The following MORN2 variants were observed in gnomAD, a reference collection of about 807,000 sequenced individuals.
The protein encoded by MORN2 is MORN repeat-containing protein 2.
A neutral mutation model predicts 13.4 loss-of-function variants in MORN2; 15 were observed. The observed-to-expected ratio is 1.12, with a 90% CI of 0.75 to 1.72. MORN2 has a LOEUF of 1.72. Among genes scored for constraint, MORN2 ranks in the 40% most tolerant of loss-of-function variants. The pLI is 0.00. For synonymous variants in MORN2, 46 were observed against 43.6 expected (o/e 1.06, Z -0.22); for missense variants, 168 against 134.6 (o/e 1.25, Z -1.23).
At chr2:38,877,218 A>G (rs1046634433) in intron 1 of MORN2, among the ~76,000 whole-genome samples, 6 of 152,168 alleles carry the variant, frequency 3.9e-5, no homozygotes, top group African/African-American at 1.4e-4. Context: ...GTGAGACGAG[A>G]TCAAGCCACT....
chr2:38,876,218 T>C (rs1665612999), intron 1 of MORN2, 108 bp downstream of exon 1: 1 of 397,900 alleles, frequency 2.5e-6, no homozygotes, highest in East Asian at 3.6e-5. Flanking sequence ...GGGGGTGTGA[T>C]ATATTTCCTG....
chr2:38,880,073 C>G, intron 1 of MORN2, 106 bp from the exon 2 acceptor site: 1 of 382,394 alleles, frequency 2.6e-6, no homozygotes, highest in Non-Finnish European at 4.6e-6. Flanking sequence ...GCGGGAGGAT[C>G]GCTTGAGCCC....
chr2:38,879,759 T>A (rs534551089), intron 1 of MORN2, among the ~76,000 whole-genome samples: 5 of 152,166 alleles, frequency 3.3e-5, no homozygotes, highest in African/African-American at 1.2e-4. Context: ...CTGAATATAC[T>A]AAAAAAATCA....
rs1377289030 is a variant in MORN2 at position 38,881,501 on chromosome 2, G to A, written c.276G>A (p.Lys92=). ...GAGCAGTATATGAAGGACAATTTAA[G>A]GATAATATGTTTCATGGACTGGGGA... The change falls in exon 4 of 5, where the codon AAG becomes AAA. Residue 92 remains lysine (K), a synonymous_variant. Coordinates refer to ENST00000644631, the MANE Select transcript of MORN2 (RefSeq NM_001145450.3). 6.5e-7 allele frequency: 1 copy of A among 1,545,090 alleles called. No individual in the cohort carries two copies. Among genetic ancestry groups the A allele is most frequent in the South Asian group, 1.2e-5 (1 of 82,210 alleles).
chr2:38,882,327 T>C (rs906474858), intron 4 of MORN2, 86 bp from the exon 5 acceptor site: 65 of 522,316 alleles, frequency 1.2e-4, no homozygotes, highest in Non-Finnish European at 1.8e-4. Flanking sequence ...TCTTCAGACA[T>C]AGTATATATT....
chr2:38,876,595 G>C (rs1442643103), intron 1 of MORN2, among the ~76,000 whole-genome samples: 1 of 152,178 alleles, frequency 6.6e-6, no homozygotes, highest in Non-Finnish European at 1.5e-5. Context: ...TCTGCCATCC[G>C]TGTCCTGGAG....
intron 1 of MORN2, among the ~76,000 whole-genome samples, chr2:38,878,567 G>T (rs1665705576): frequency 6.6e-6 from 1 of 150,880 alleles, no homozygotes; most frequent in Non-Finnish European, 1.5e-5. Flanking sequence ...CTCACACTTT[G>T]TGCTACTTTC....
chr2:38,880,830 G>A, intron 3 of MORN2, 124 bp downstream of exon 3: 1 of 1,041,830 alleles, frequency 9.6e-7, no homozygotes, highest in Non-Finnish European at 1.3e-6. Context: ...AATAACAAAT[G>A]ATCATATTAA....
At chr2:38,879,713 A>G (rs1379988215) in intron 1 of MORN2, among the ~76,000 whole-genome samples, 1 of 152,202 alleles carries the variant, frequency 6.6e-6, no homozygotes, top group Non-Finnish European at 1.5e-5. Flanking sequence ...TGATTAAAAT[A>G]TTCTAAAATT....
rs1049083762 is a variant in MORN2 at position 38,877,234 on chromosome 2, C to A, written c.58+1124C>A. On this transcript the variant is annotated intron_variant, in intron 1 of 4. Transcript: ENST00000644631. ...TGAGACGAGATCAAGCCACTGCACT[C>A]CAGCCTGGGCGACAGAGCGAGACTC... is the stretch of plus-strand genomic sequence containing the variant. 6.6e-5 allele frequency among the ~76,000 whole-genome samples: 10 copies of A among 152,128 alleles called. No homozygotes were observed. The East Asian group carries it at 1.9e-3, about 29-fold the overall frequency.
rs139712114 is a variant in MORN2, at chr2:38,876,596, T to A, written c.58+486T>A. ...AGAGATTTGACTAATCTGCCATCCG[T>A]GTCCTGGAGGAACTGGGTGGGATAG... On this transcript the variant is annotated intron_variant, in intron 1 of 4. Transcript: ENST00000644631. Among the ~76,000 whole-genome samples the A allele has an allele frequency of 7.2e-3, 1,091 of 152,310 alleles. 16 individuals carry two copies. Among genetic ancestry groups the A allele is most frequent in the African/African-American group, 0.024 (1,015 of 41,562 alleles).
chr2:38,878,636 T>G (rs1665707009), intron 1 of MORN2, among the ~76,000 whole-genome samples: 1 of 152,240 alleles, frequency 6.6e-6, no homozygotes, highest in African/African-American at 2.4e-5. Context: ...TTGTATCTAT[T>G]CTGCTTTTCA....
intron 4 of MORN2, 83 bp downstream of exon 4, chr2:38,881,661 T>C: frequency 1.8e-6 from 2 of 1,120,660 alleles, no homozygotes; most frequent in East Asian, 5.8e-5. Flanking sequence ...TTTATTTATT[T>C]ATTTATTGAG....
At chr2:38,876,200 A>C (rs1665611322) in intron 1 of MORN2, 90 bp downstream of exon 1, 1 of 398,152 alleles carries the variant, frequency 2.5e-6, no homozygotes. Context: ...GCTCCCGGTA[A>C]CTCCTGTGGG....
At chr2:38,877,138 C>T (rs1021620426) in intron 1 of MORN2, among the ~76,000 whole-genome samples, 15 of 152,046 alleles carry the variant, frequency 9.9e-5, no homozygotes, top group African/African-American at 3.6e-4. Flanking sequence ...GTAGCTCTGA[C>T]GCCTGTAGTT....
At chr2:38,881,630 G>T in intron 4 of MORN2, 52 bp downstream of exon 4, 1 of 1,330,210 alleles carries the variant, frequency 7.5e-7, no homozygotes, top group South Asian at 1.5e-5. Context: ...TTATTTTCTG[G>T]TATGTTTGCT....
Position 38,882,574 on chromosome 2 carries a change from C to A in MORN2, c.*59C>A. On this transcript the variant is annotated 3_prime_UTR_variant, in exon 5 of 5. Transcript: ENST00000644631. ...TTGAAGCTTTTAGTTGTAAGGAAAGCAACTTAATCTGTTATTTGAAATGAC... is the reference window on the plus strand; with the variant it reads ...TTGAAGCTTTTAGTTGTAAGGAAAGAAACTTAATCTGTTATTTGAAATGAC... The A allele has an allele frequency of 7.9e-7, 1 of 1,262,070 alleles. No individual in the cohort carries two copies. Among genetic ancestry groups the A allele is most frequent in the Non-Finnish European group, 1.1e-6 (1 of 891,658 alleles). The allele number at this position is 1,262,070 out of a possible 1,614,324, so 78.2% of individuals were successfully genotyped here.
intron 4 of MORN2, 58 bp downstream of exon 4, chr2:38,881,636 T>C (rs1202342025): frequency 2.4e-6 from 3 of 1,246,574 alleles, no homozygotes; most frequent in Admixed American, 3.2e-5. Context: ...TCTGGTATGT[T>C]TGCTTAAATA....
intron 4 of MORN2, among the ~76,000 whole-genome samples, 165 bp downstream of exon 4, chr2:38,881,743 C>G (rs749684192): frequency 6.6e-6 from 1 of 152,116 alleles, no homozygotes; most frequent in African/African-American, 2.4e-5. Context: ...CTCTGCCTCC[C>G]GGGTTCAAGC....
Sources: gnomAD v4.1 joint callset for allele counts (sites outside exome capture counted in the v4.1 genomes callset) on GRCh38, gnomAD v4.1.1 for gene constraint, MANE v1.5 for transcripts, NCBI Gene and HGNC (gene_info 2026-07-23, HGNC 2026-07-21) for gene names.